The following ERH variants were observed in gnomAD, a reference collection of about 807,000 sequenced individuals.
ERH encodes the protein ERH mRNA splicing and mitosis factor, also known as enhancer of rudimentary homolog.
A neutral mutation model predicts 16.8 loss-of-function variants in ERH; 1 was observed. The ratio of observed to expected loss-of-function variants is 0.06; its 90% CI spans 0.02 to 0.28. The LOEUF is 0.28. Among genes scored for constraint, ERH ranks in the 10% least tolerant of loss-of-function variants. The probability of loss-of-function intolerance (pLI) is 1.00; values close to 1 mark genes in which losing one functional copy is unlikely to be tolerated. For synonymous variants in ERH, 43 were observed against 43.6 expected, an observed-to-expected ratio of 0.99 and a Z score of 0.05; for missense variants, 42 against 127.5, an observed-to-expected ratio of 0.33 and a Z score of 3.23.
Position 69,380,368 on chromosome 14 carries a change from C to A in ERH, c.*170G>T. ...AAAGAGAAAGAAAAAGAGGAGGTAA[C>A]GGGGGTTTCCGATTGAACAAGATCC... On this transcript the variant is annotated 3_prime_UTR_variant, in exon 4 of 4. Transcript: ENST00000557016. The A allele has an allele frequency of 1.2e-5, 5 of 428,062 alleles. No homozygotes were observed. Among genetic ancestry groups the A allele is most frequent in the African/African-American group, 2.0e-5 (1 of 48,808 alleles). The allele number at this position is 428,062 out of a possible 1,614,324, so 26.5% of individuals were successfully genotyped here. A position where few individuals can be genotyped will look rare whatever the true frequency, so the allele number is the denominator to read the frequency against.
At chr14:69,397,903 G>T in intron 1 of ERH, 2 of 504,084 alleles carry the variant, frequency 4.0e-6, no homozygotes, top group Non-Finnish European at 7.2e-6. Context: ...GGGCGATAGA[G>T]TGAGACTCTC....
Position 69,394,848 on chromosome 14 carries a change from T to A in ERH, c.68A>T (p.Glu23Val). The A allele has an allele frequency of 6.2e-7, 1 of 1,613,700 alleles. No individual in the cohort carries two copies. The highest frequency in any genetic ancestry group is 1.1e-5 in the South Asian group (1 of 91,056). ...ACCTTCCATGCATTCATTCACAGAT[T>A]CGTAGTCAGCATAAGTTCTGCCTTC... ...RPEGRTYADY[E>V]SVNECMEGVC... Residue 23 changes from glutamate to valine, a missense_variant, in exon 2 of 4, where the codon GAA (glutamate) becomes GTA (valine). By Grantham distance (121) the Glu-to-Val change is moderately radical. Transcript: ENST00000557016.
At chr14:69,385,479 T>C (rs999808539) in intron 3 of ERH, among the ~76,000 whole-genome samples, 2 of 152,048 alleles carry the variant, frequency 1.3e-5, no homozygotes, top group Non-Finnish European at 2.9e-5. Flanking sequence ...TTTTTTATGA[T>C]TGAACTGTCC....
chr14:69,381,988 GCCT>G (rs1323114713), intron 3 of ERH, among the ~76,000 whole-genome samples: 1 of 152,194 alleles, frequency 6.6e-6, no homozygotes, highest in Non-Finnish European at 1.5e-5. Context: ...ACCGCACCTG[GCCT>G]CCTTTTTCAT....
intron 2 of ERH, among the ~76,000 whole-genome samples, chr14:69,393,030 T>A (rs1882252152): frequency 6.6e-6 from 1 of 152,012 alleles, no homozygotes; most frequent in African/African-American, 2.4e-5. Flanking sequence ...AGAATTAGAG[T>A]AGATGGCCTG....
At chr14:69,382,825 T>G (rs1014063232) in intron 3 of ERH, among the ~76,000 whole-genome samples, 10 of 151,902 alleles carry the variant, frequency 6.6e-5, no homozygotes, top group Admixed American at 3.3e-4. Flanking sequence ...AATGCCTTCT[T>G]TATGGAAAGC....
At chr14:69,385,061 T>C (rs575505898) in intron 3 of ERH, among the ~76,000 whole-genome samples, 1 of 152,324 alleles carries the variant, frequency 6.6e-6, no homozygotes, top group African/African-American at 2.4e-5. Context: ...TACAATGAAC[T>C]GATCTACCTC....
intron 3 of ERH, among the ~76,000 whole-genome samples, chr14:69,385,107 G>A (rs1242066901): frequency 1.3e-5 from 2 of 152,068 alleles, no homozygotes; most frequent in Non-Finnish European, 2.9e-5. Flanking sequence ...CCCAATTAAA[G>A]CTCATGGTCA....
At chr14:69,384,595 T>C (rs1375671563) in intron 3 of ERH, among the ~76,000 whole-genome samples, 1 of 152,314 alleles carries the variant, frequency 6.6e-6, no homozygotes, top group East Asian at 1.9e-4. Context: ...TAAGGTTCTT[T>C]TATAAAACCA....
At chr14:69,392,527 G>A (rs1023384259) in intron 2 of ERH, among the ~76,000 whole-genome samples, 1 of 152,216 alleles carries the variant, frequency 6.6e-6, no homozygotes, top group Admixed American at 6.5e-5. Flanking sequence ...GGTGGGGTAG[G>A]AGGGGATGAA....
Position 69,380,576 on chromosome 14 carries a change from C to CTGT in ERH, c.276_277insACA (p.Tyr92_Val93insThr). On this transcript the variant is annotated inframe_insertion, in exon 4 of 4. Coordinates refer to ENST00000557016, the MANE Select transcript of ERH (RefSeq NM_004450.3). ...TGTTGGGCCTGCCGACGAAGGAGCA[C>CTGT]GTAGATCTTCTCTTTAATCCAGTCT... 6.2e-7 allele frequency: 1 copy of CTGT among 1,607,878 alleles called. No homozygotes were observed. The highest frequency in any genetic ancestry group is 2.2e-5 in the East Asian group (1 of 44,518).
intron 3 of ERH, among the ~76,000 whole-genome samples, chr14:69,382,863 T>C (rs1478594782): frequency 6.6e-6 from 1 of 151,902 alleles, no homozygotes; most frequent in Non-Finnish European, 1.5e-5. Context: ...TAACTGGCAC[T>C]TGAAAATGAG....
intron 1 of ERH, 119 bp downstream of exon 1, chr14:69,398,112 G>A (rs943528430): frequency 1.1e-5 from 13 of 1,188,178 alleles, no homozygotes; most frequent in African/African-American, 1.0e-4. Context: ...ACCGACTAGA[G>A]TGGCGGGGAG....
rs140448332 is a variant in ERH at position 69,383,474 on chromosome 14, T to G, written c.213-2834A>C. Among the ~76,000 whole-genome samples the G allele has an allele frequency of 3.1e-3, 478 of 152,356 alleles. 4 individuals are homozygous for G. Among genetic ancestry groups the G allele is most frequent in the African/African-American group, 0.011 (464 of 41,584 alleles). ...CACAGGATGTGCTGTGGCAGTGGGT[T>G]ACCTCTTTGGAAACAATACCTTATT... On this transcript the variant is annotated intron_variant, in intron 3 of 3. Coordinates refer to ENST00000557016, the MANE Select transcript of ERH (RefSeq NM_004450.3).
chr14:69,380,715 T>C (rs1594885264), intron 3 of ERH, 75 bp from the exon 4 acceptor site: 1 of 796,332 alleles, frequency 1.3e-6, no homozygotes, highest in Non-Finnish European at 2.2e-6. Flanking sequence ...AAATTATAAC[T>C]GCCCAATGAT....
intron 2 of ERH, among the ~76,000 whole-genome samples, chr14:69,390,768 AT>A (rs2045919683): frequency 6.6e-6 from 1 of 152,226 alleles, no homozygotes; most frequent in Non-Finnish European, 1.5e-5. Flanking sequence ...TAAAACATCT[AT>A]CTGATAAAGG....
chr14:69,385,616 G>A, intron 3 of ERH, among the ~76,000 whole-genome samples: 1 of 138,182 alleles, frequency 7.2e-6, no homozygotes, highest in East Asian at 2.1e-4. Context: ...CCATTTTTCT[G>A]TTCTTTCAAG....
chr14:69,383,695 A>C (rs1393591342), intron 3 of ERH, among the ~76,000 whole-genome samples: 3 of 152,208 alleles, frequency 2.0e-5, no homozygotes, highest in Admixed American at 6.5e-5. Context: ...AAAAACCATA[A>C]ATTATCATTA....
At chr14:69,394,046 C>G (rs1248007666) in intron 2 of ERH, among the ~76,000 whole-genome samples, 6 of 150,960 alleles carry the variant, frequency 4.0e-5, no homozygotes, top group Non-Finnish European at 7.4e-5. Context: ...AAGGCCCAGA[C>G]TTTACTACTA....
Sources: allele counts gnomAD v4.1 joint callset (sites outside exome capture counted in the v4.1 genomes callset), GRCh38; gene constraint gnomAD v4.1.1; transcripts MANE v1.5; gene names NCBI Gene and HGNC (gene_info 2026-07-23, HGNC 2026-07-21).